The following TDRD3 variants were observed in gnomAD, a reference collection of about 807,000 sequenced individuals.
TDRD3 encodes the protein tudor domain-containing protein 3.
In TDRD3, 45 loss-of-function variants were observed where a neutral mutation model predicts 86.7. The ratio of observed to expected loss-of-function variants is 0.52; its 90% CI spans 0.41 to 0.67. TDRD3 has a LOEUF of 0.67. Among genes scored for constraint, TDRD3 ranks in the 30% least tolerant of loss-of-function variants. The pLI, the probability that TDRD3 is intolerant of heterozygous loss-of-function variation, is 0.00. For synonymous variants in TDRD3, 298 were observed against 301.7 expected (o/e 0.99, Z 0.13); for missense variants, 814 against 889.0 (o/e 0.92, Z 1.07).
chr13:60,409,752 T>C (rs1040041913), intron 1 of TDRD3, among the ~76,000 whole-genome samples: 2 of 152,334 alleles, frequency 1.3e-5, no homozygotes, highest in Admixed American at 6.5e-5. Flanking sequence ...GGGACTTGCC[T>C]TGTCTCAGAT....
At chr13:60,482,638 G>A (rs1308806255) in intron 5 of TDRD3, among the ~76,000 whole-genome samples, 1 of 152,076 alleles carries the variant, frequency 6.6e-6, no homozygotes, top group Non-Finnish European at 1.5e-5. Flanking sequence ...TTATGCATTT[G>A]TTGTTGTGAA....
Position 60,557,820 on chromosome 13 carries a change from ATTTTTTT to A in TDRD3, c.2119-9689_2119-9683del, listed in dbSNP as rs749028045. 4.5e-5 allele frequency among the ~76,000 whole-genome samples: 4 copies of A among 88,284 alleles called. No homozygotes were observed. The South Asian group carries it at 1.6e-3, about 34-fold the overall frequency. 57.9% of individuals were successfully genotyped at this position (88,284 alleles called of 152,430 possible). On this transcript the variant is annotated intron_variant, in intron 12 of 13. Coordinates refer to ENST00000377881, the MANE Select transcript of TDRD3 (RefSeq NM_001146070.2). ...GGCATAAAGGATTTTTTTTTTCCTG[ATTTTTTT>A]TTTTTTTTTTTTTTTGAGACAGAGT...
chr13:60,427,511 C>T (rs1009874399), intron 1 of TDRD3, among the ~76,000 whole-genome samples: 35 of 152,008 alleles, frequency 2.3e-4, no homozygotes, highest in African/African-American at 7.7e-4. Context: ...GAGTCGGCTT[C>T]GCACGTGTCA....
intron 11 of TDRD3, among the ~76,000 whole-genome samples, chr13:60,533,830 A>G (rs1957639097): frequency 6.6e-6 from 1 of 152,220 alleles, no homozygotes; most frequent in Admixed American, 6.5e-5. Context: ...TTCCAATCAG[A>G]TGACCTATTC....
intron 3 of TDRD3, among the ~76,000 whole-genome samples, chr13:60,453,474 T>C (rs1010296487): frequency 2.7e-5 from 4 of 145,660 alleles, no homozygotes; most frequent in Non-Finnish European, 4.7e-5. Context: ...TAATTTTCTC[T>C]AGCAACACTT....
chr13:60,471,717 G>T (rs555871540), intron 5 of TDRD3, among the ~76,000 whole-genome samples: 1 of 151,920 alleles, frequency 6.6e-6, no homozygotes, highest in South Asian at 2.1e-4. Flanking sequence ...TTGATTTTGC[G>T]TACTCCAACT....
rs766180388 is a variant in TDRD3 at position 60,528,574 on chromosome 13, G to A, written c.1349G>A (p.Gly450Asp). Residue 450 changes from glycine to aspartate, a missense_variant, in exon 11 of 14, where the codon GGT becomes GAT. Physicochemically the swap from Gly to Asp is moderately conservative, Grantham distance 94 (BLOSUM62 -1). Coordinates refer to ENST00000377881, the MANE Select transcript of TDRD3 (RefSeq NM_001146070.2). The stretch of plus-strand genomic sequence containing the variant: ...GGCAGTGGATTACCTAGAAATAGAG[G>A]TTCTGAAAGACCAAGTACTTCTTCA... The part of the protein sequence containing the change: ...LEGSGLPRNR[G>D]SERPSTSSVS... The A allele has an allele frequency of 2.5e-6, 4 of 1,614,034 alleles. No individual in the cohort carries two copies. In the East Asian group the frequency reaches 8.9e-5, roughly 36 times the overall value.
chr13:60,472,307 C>G (rs921819354), intron 5 of TDRD3, among the ~76,000 whole-genome samples: 5 of 151,992 alleles, frequency 3.3e-5, no homozygotes, highest in Admixed American at 1.3e-4. Flanking sequence ...TTCCTAATTT[C>G]TAAAATTTTG....
intron 3 of TDRD3, among the ~76,000 whole-genome samples, chr13:60,456,069 C>CAAAAA (rs35117003): frequency 0.053 from 5,014 of 95,422 alleles, 232 homozygotes; most frequent in Non-Finnish European, 0.07. Context: ...GACTATGTCT[C>CAAAAA]AAAAAAAAAA....
chr13:60,448,943 C>A (rs1204614425), intron 3 of TDRD3, among the ~76,000 whole-genome samples: 1 of 152,110 alleles, frequency 6.6e-6, no homozygotes, highest in African/African-American at 2.4e-5. Context: ...GGAGTCCTAA[C>A]TGTACAGTCT....
Position 60,494,540 on chromosome 13 carries a change from T to G in TDRD3, c.823T>G (p.Ser275Ala). The G allele has an allele frequency of 6.2e-7, 1 of 1,613,670 alleles. No homozygotes were observed. The highest frequency in any genetic ancestry group is 1.3e-5 in the African/African-American group (1 of 74,996). ...EVLQKEKSTK[S>A]EGKHEGVYRE... is the part of the protein sequence containing the mutation. ...TTTACAGAAAGAAAAGTCAACCAAA[T>G]CAGAGGGAAAACATGAAGGTGTCTA... Residue 275 changes from serine to alanine, a missense_variant, in exon 8 of 14, where the codon TCA becomes GCA. Physicochemically the swap from Ser to Ala is moderately conservative, Grantham distance 99. Transcript: ENST00000377881.
At chr13:60,415,002 T>C (rs1300291087) in intron 1 of TDRD3, among the ~76,000 whole-genome samples, 2 of 151,960 alleles carry the variant, frequency 1.3e-5, no homozygotes, top group Non-Finnish European at 2.9e-5. Context: ...GAGTAAAATA[T>C]AGGAGGAGTT....
At chr13:60,450,967 A>G (rs1955525809) in intron 3 of TDRD3, among the ~76,000 whole-genome samples, 1 of 152,042 alleles carries the variant, frequency 6.6e-6, no homozygotes, top group Non-Finnish European at 1.5e-5. Context: ...ACATACACAC[A>G]CAGATCACGC....
intron 3 of TDRD3, among the ~76,000 whole-genome samples, chr13:60,451,519 A>T (rs1361106799): frequency 6.6e-6 from 1 of 152,116 alleles, no homozygotes; most frequent in Non-Finnish European, 1.5e-5. Context: ...TGGCCATGGA[A>T]ATTGGCACAA....
At chr13:60,481,910 GACCCCTTCAAGA>G (rs1283069929) in intron 5 of TDRD3, among the ~76,000 whole-genome samples, 1 of 152,148 alleles carries the variant, frequency 6.6e-6, no homozygotes, top group Non-Finnish European at 1.5e-5. Flanking sequence ...TGATCAGTTT[GACCCCTTCAAGA>G]TGTGTATTCA....
At chr13:60,481,770 T>C (rs1956323558) in intron 5 of TDRD3, among the ~76,000 whole-genome samples, 2 of 152,222 alleles carry the variant, frequency 1.3e-5, no homozygotes, top group South Asian at 4.1e-4. Context: ...CATTTTTCTG[T>C]CTTGACATGC....
chr13:60,545,337 A>G (rs1411244208), intron 12 of TDRD3, among the ~76,000 whole-genome samples: 1 of 152,154 alleles, frequency 6.6e-6, no homozygotes, highest in East Asian at 1.9e-4. Context: ...AGAAACTTCT[A>G]TTTAACAGCC....
rs761059560 is a variant in TDRD3, at chr13:60,467,385, T to C, written c.495+6T>C. 6.2e-7 allele frequency: 1 copy of C among 1,612,188 alleles called. No individual in the cohort carries two copies. Among genetic ancestry groups the C allele is most frequent in the Non-Finnish European group, 8.5e-7 (1 of 1,179,420 alleles). On this transcript the variant is annotated splice_donor_region_variant and intron_variant, in intron 5 of 13. Coordinates refer to ENST00000377881, the MANE Select transcript of TDRD3 (RefSeq NM_001146070.2). ...AGAAATGGGAGTTACAGAGAGTAAG[T>C]GTAAACTATGGCTTGAACTTTTGAA... is the stretch of plus-strand genomic sequence containing the variant.
chr13:60,423,234 A>T (rs1022859630), intron 1 of TDRD3, among the ~76,000 whole-genome samples: 5 of 152,220 alleles, frequency 3.3e-5, no homozygotes, highest in African/African-American at 9.6e-5. Flanking sequence ...AGTTTTCATC[A>T]TACCAGAACT....
Sources: allele counts gnomAD v4.1 joint callset (sites outside exome capture counted in the v4.1 genomes callset), GRCh38; gene constraint gnomAD v4.1.1; transcripts MANE v1.5; gene names NCBI Gene and HGNC (gene_info 2026-07-23, HGNC 2026-07-21).